EXOC6B: variants seen among roughly 807,000 people sequenced by gnomAD.
EXOC6B encodes SEC15 homolog B.
A neutral mutation model predicts 113.5 loss-of-function variants in EXOC6B; 54 were observed. That is an observed-to-expected ratio of 0.48 (90% confidence interval 0.38 to 0.60). The LOEUF is 0.60. Ranked by LOEUF, EXOC6B falls within the 20% of genes least tolerant of loss-of-function variation. EXOC6B has a pLI of 0.00. For missense variants in EXOC6B, 797 were observed against 977.5 expected, an observed-to-expected ratio of 0.82 and a Z score of 2.46; for synonymous variants, 357 against 339.0, an observed-to-expected ratio of 1.05 and a Z score of -0.58.
At chr2:72,217,506 T>TA (rs1375275731) in intron 20 of EXOC6B, among the ~76,000 whole-genome samples, 1 of 152,174 alleles carries the variant, frequency 6.6e-6, no homozygotes, top group African/African-American at 2.4e-5. Flanking sequence ...CAAGACTTTT[T>TA]ATGTGCCAAG....
intron 1 of EXOC6B, among the ~76,000 whole-genome samples, chr2:72,808,130 A>G (rs1685682009): frequency 6.6e-6 from 1 of 152,206 alleles, no homozygotes; most frequent in Non-Finnish European, 1.5e-5. Flanking sequence ...TGATTTAACA[A>G]CAACAACAAA....
intron 1 of EXOC6B, among the ~76,000 whole-genome samples, chr2:72,788,114 G>C (rs2105022683): frequency 6.6e-6 from 1 of 152,182 alleles, no homozygotes; most frequent in African/African-American, 2.4e-5. Context: ...GACTCTCTAG[G>C]TTCAAATCCC....
At chr2:72,270,222 AC>A (rs1020786828) in intron 20 of EXOC6B, among the ~76,000 whole-genome samples, 7 of 151,876 alleles carry the variant, frequency 4.6e-5, no homozygotes, top group African/African-American at 1.7e-4. Context: ...AGCTGCTAAA[AC>A]CCCTGGGTGG....
intron 6 of EXOC6B, among the ~76,000 whole-genome samples, chr2:72,643,097 A>T (rs1190920708): frequency 6.6e-6 from 1 of 152,068 alleles, no homozygotes; most frequent in East Asian, 1.9e-4. Flanking sequence ...GGCAATCATT[A>T]AAAAATCAGG....
intron 20 of EXOC6B, among the ~76,000 whole-genome samples, chr2:72,256,709 A>C (rs1292823251): frequency 6.6e-6 from 1 of 152,224 alleles, no homozygotes. Flanking sequence ...TGCTAAATGC[A>C]ACTTGAGAAA....
chr2:72,285,971 C>T (rs772137313), intron 20 of EXOC6B, among the ~76,000 whole-genome samples: 1 of 152,086 alleles, frequency 6.6e-6, no homozygotes, highest in African/African-American at 2.4e-5. Flanking sequence ...TGGCCAAAAT[C>T]CAGGACACTG....
chr2:72,706,803 C>G (rs959023454), intron 6 of EXOC6B, among the ~76,000 whole-genome samples: 1 of 152,182 alleles, frequency 6.6e-6, no homozygotes, highest in Non-Finnish European at 1.5e-5. Flanking sequence ...ATGACCCCTT[C>G]CCTTGAGTAT....
intron 1 of EXOC6B, among the ~76,000 whole-genome samples, chr2:72,751,330 T>G (rs1018879573): frequency 6.6e-6 from 1 of 152,078 alleles, no homozygotes; most frequent in Non-Finnish European, 1.5e-5. Context: ...AGGTCATACG[T>G]AGATTTAAAA....
chr2:72,746,006 G>T (rs567219683), intron 1 of EXOC6B, among the ~76,000 whole-genome samples: 5 of 151,896 alleles, frequency 3.3e-5, no homozygotes, highest in Non-Finnish European at 5.9e-5. Context: ...GAAATGATGT[G>T]GCCTTACAAG....
chr2:72,420,022 C>T (rs1186229232), intron 18 of EXOC6B, among the ~76,000 whole-genome samples: 1 of 152,102 alleles, frequency 6.6e-6, no homozygotes, highest in Non-Finnish European at 1.5e-5. Context: ...CTAAACTCTT[C>T]CCATTATCTT....
chr2:72,726,308 A>G (rs1236907109), intron 5 of EXOC6B, among the ~76,000 whole-genome samples: 1 of 152,204 alleles, frequency 6.6e-6, no homozygotes, highest in Non-Finnish European at 1.5e-5. Context: ...AACCACGTGA[A>G]TGTACTAAAA....
intron 6 of EXOC6B, among the ~76,000 whole-genome samples, chr2:72,578,706 A>G (rs1705025040): frequency 1.3e-5 from 2 of 152,180 alleles, no homozygotes; most frequent in Non-Finnish European, 2.9e-5. Context: ...TCATACTATT[A>G]CAGGAAGCAA....
intron 20 of EXOC6B, among the ~76,000 whole-genome samples, chr2:72,228,051 G>T (rs1190161256): frequency 2.0e-5 from 3 of 152,112 alleles, no homozygotes; most frequent in African/African-American, 7.2e-5. Flanking sequence ...AGTAGAAAAG[G>T]CTGTTAAAGT....
At chr2:72,721,422 G>A in intron 5 of EXOC6B, among the ~76,000 whole-genome samples, 1 of 103,320 alleles carries the variant, frequency 9.7e-6, no homozygotes, top group Admixed American at 1.2e-4. Flanking sequence ...AACCAAAAAG[G>A]GCCAACATAT....
intron 5 of EXOC6B, among the ~76,000 whole-genome samples, chr2:72,721,485 G>A (rs1680009269): frequency 7.1e-6 from 1 of 141,188 alleles, no homozygotes; most frequent in Non-Finnish European, 1.5e-5. Context: ...AAATCAAATT[G>A]CCAAATATTT....
At chr2:72,322,102 C>G (rs1687873321) in intron 20 of EXOC6B, among the ~76,000 whole-genome samples, 1 of 152,118 alleles carries the variant, frequency 6.6e-6, no homozygotes. Context: ...AATATATGTT[C>G]ATACAAACAG....
intron 1 of EXOC6B, among the ~76,000 whole-genome samples, chr2:72,743,222 T>A (rs567442865): frequency 6.6e-6 from 1 of 152,162 alleles, no homozygotes; most frequent in African/African-American, 2.4e-5. Context: ...AATGGACCAA[T>A]GCAACAGCCT....
At chr2:72,509,353 A>C (rs546450991) in intron 11 of EXOC6B, among the ~76,000 whole-genome samples, 1 of 152,326 alleles carries the variant, frequency 6.6e-6, no homozygotes, top group African/African-American at 2.4e-5. Flanking sequence ...GCCTGAGCCC[A>C]CTAAGACAGT....
At chr2:72,519,091 A>G (rs1273478385) in intron 8 of EXOC6B, among the ~76,000 whole-genome samples, 1 of 152,192 alleles carries the variant, frequency 6.6e-6, no homozygotes, top group Non-Finnish European at 1.5e-5. Context: ...GCTAAAATTT[A>G]TTTGTAAACC....
Sources: gnomAD v4.1 joint callset for allele counts (sites outside exome capture counted in the v4.1 genomes callset) on GRCh38, gnomAD v4.1.1 for gene constraint, MANE v1.5 for transcripts, NCBI Gene and HGNC (gene_info 2026-07-23, HGNC 2026-07-21) for gene names.